The following STK40 variants were observed in gnomAD, a reference collection of about 807,000 sequenced individuals.
The protein encoded by STK40 is serine/threonine-protein kinase 40.
Under a neutral mutation model 47.9 loss-of-function variants are expected in STK40, and 13 were observed. The ratio of observed to expected loss-of-function variants is 0.27; its 90% CI spans 0.18 to 0.43. The LOEUF (loss-of-function observed/expected upper bound fraction) is 0.43. STK40 is among the 20% of genes least tolerant of loss of function. STK40 has a pLI of 1.00. For synonymous variants in STK40, 225 were observed against 243.2 expected, an observed-to-expected ratio of 0.93 and a Z score of 0.69; for missense variants, 460 against 595.1, an observed-to-expected ratio of 0.77 and a Z score of 2.36.
chr1:36,356,848 T>A (rs1181839472), intron 4 of STK40, among the ~76,000 whole-genome samples: 1 of 152,102 alleles, frequency 6.6e-6, no homozygotes, highest in Non-Finnish European at 1.5e-5. Flanking sequence ...CAAAATGACA[T>A]GAACTAAGGC....
intron 1 of STK40, among the ~76,000 whole-genome samples, chr1:36,366,959 C>T (rs573315506): frequency 2.0e-5 from 3 of 151,902 alleles, no homozygotes; most frequent in Non-Finnish European, 2.9e-5. Flanking sequence ...TTCAGCCTCC[C>T]AAGTACCTGA....
In STK40 at chr1:36,355,211, G is replaced by A; in HGVS notation, c.565C>T (p.His189Tyr). The A allele has an allele frequency of 1.2e-6, 2 of 1,613,684 alleles. No individual in the cohort carries two copies. Among genetic ancestry groups the A allele is most frequent in the Non-Finnish European group, 1.7e-6 (2 of 1,180,008 alleles). ...YDVVRVVEAL[H>Y]QKNIVHRDLK... ...GCAGCAGGGTGTGGCCTCACCTGGT[G>A]CAGGGCCTCCACCACGCGGACCACG... Residue 189 changes from histidine to tyrosine, a missense_variant, in exon 5 of 11, where the codon CAC (histidine) becomes TAC (tyrosine). His to Tyr is a moderately conservative substitution (Grantham distance 83). This residue lies in a region of STK40 where 277 missense variants were observed against 358.7 expected (regional missense o/e 0.77). Transcript: ENST00000373132.
chr1:36,345,991 A>ATATATTTTTTTTTTTTTTTTTTT, intron 7 of STK40, among the ~76,000 whole-genome samples: 1 of 26,466 alleles, frequency 3.8e-5, no homozygotes, highest in Non-Finnish European at 6.9e-5. Context: ...ATATATATAT[A>ATATATTTTTTTTTTTTTTTTTTT]TTTTTTTTTT....
At chr1:36,357,214 C>T (rs1288563199) in intron 4 of STK40, among the ~76,000 whole-genome samples, 2 of 152,216 alleles carry the variant, frequency 1.3e-5, no homozygotes, top group Non-Finnish European at 1.5e-5. Context: ...GATGGGGAAT[C>T]TGAGGCCTAG....
At chr1:36,376,262 C>T (rs1396357859) in intron 1 of STK40, among the ~76,000 whole-genome samples, 3 of 152,138 alleles carry the variant, frequency 2.0e-5, no homozygotes, top group Non-Finnish European at 2.9e-5. Flanking sequence ...AAGACTATGT[C>T]CATGCATTGA....
chr1:36,345,991 A>ATATATATATTTTTTTTTTTTTT, intron 7 of STK40, among the ~76,000 whole-genome samples: 3 of 26,464 alleles, frequency 1.1e-4, no homozygotes, highest in African/African-American at 4.2e-4. Context: ...ATATATATAT[A>ATATATATATTTTTTTTTTTTTT]TTTTTTTTTT....
At chr1:36,381,491 C>G (rs985280304) in intron 1 of STK40, among the ~76,000 whole-genome samples, 7 of 152,000 alleles carry the variant, frequency 4.6e-5, no homozygotes, top group African/African-American at 9.7e-5. Context: ...AATTCAAGTT[C>G]TTTTTTTGAG....
intron 1 of STK40, among the ~76,000 whole-genome samples, chr1:36,380,289 T>TA (rs879819498): frequency 1.7e-4 from 26 of 152,088 alleles, no homozygotes; most frequent in Non-Finnish European, 3.2e-4. Flanking sequence ...ACAAATCATG[T>TA]AAAAAAATCT....
chr1:36,374,819 G>C (rs1166330264), intron 1 of STK40, among the ~76,000 whole-genome samples: 2 of 152,180 alleles, frequency 1.3e-5, no homozygotes, highest in African/African-American at 2.4e-5. Context: ...ATACTGGCCT[G>C]CTCTGGCTCA....
intron 1 of STK40, among the ~76,000 whole-genome samples, chr1:36,362,202 G>C (rs1646858164): frequency 6.6e-6 from 1 of 152,122 alleles, no homozygotes; most frequent in Non-Finnish European, 1.5e-5. Context: ...AAAAATAACA[G>C]ATAAAAACAC....
Position 36,381,191 on chromosome 1 carries a change from C to T in STK40, c.-9+4532G>A, listed in dbSNP as rs191120519. Among the ~76,000 whole-genome samples, 138 of 152,318 alleles carry T rather than the reference C, an allele frequency of 9.1e-4. 3 individuals carry two copies. The East Asian group carries it at 0.018, about 19-fold the overall frequency. ...GCCTCCTATGGGGACTCCAACCTCTCCCCAACCCACTCCATCCTCCAAAGC... is the reference window on the plus strand; with the variant it reads ...GCCTCCTATGGGGACTCCAACCTCTTCCCAACCCACTCCATCCTCCAAAGC... On this transcript the variant is annotated intron_variant, in intron 1 of 10. Transcript: ENST00000373132.
intron 4 of STK40, among the ~76,000 whole-genome samples, chr1:36,356,677 A>G (rs146318557): frequency 0.036 from 5,466 of 152,030 alleles, 287 homozygotes; most frequent in African/African-American, 0.12. Flanking sequence ...CGCCCGCCTT[A>G]GCCTCCCAAA....
intron 4 of STK40, among the ~76,000 whole-genome samples, chr1:36,357,614 A>G (rs1191443652): frequency 1.3e-5 from 2 of 152,154 alleles, no homozygotes; most frequent in East Asian, 3.8e-4. Flanking sequence ...ATTTTAAAAA[A>G]AAGGACAAGG....
At chr1:36,383,522 C>T (rs893804862) in intron 1 of STK40, among the ~76,000 whole-genome samples, 1 of 152,254 alleles carries the variant, frequency 6.6e-6, no homozygotes, top group East Asian at 1.9e-4. Context: ...AGCACCAACT[C>T]TCCTCTCTCA....
At chr1:36,352,956 G>A (rs1217128097) in intron 6 of STK40, among the ~76,000 whole-genome samples, 1 of 152,214 alleles carries the variant, frequency 6.6e-6, no homozygotes, top group Admixed American at 6.5e-5. Flanking sequence ...CTGGAGCTAT[G>A]GGATCTGGAA....
chr1:36,343,573 G>T, intron 9 of STK40, 125 bp from the exon 10 acceptor site: 1 of 1,047,322 alleles, frequency 9.5e-7, no homozygotes, highest in Non-Finnish European at 1.4e-6. Flanking sequence ...CTGAGCCTCA[G>T]TTTTCTTATC....
chr1:36,376,551 A>AAC (rs376160898), intron 1 of STK40, among the ~76,000 whole-genome samples: 3 of 151,818 alleles, frequency 2.0e-5, no homozygotes, highest in Middle Eastern at 3.2e-3. Flanking sequence ...CATAAAAATC[A>AAC]ACACACACAC....
At position 36,345,991 on chromosome 1, in the gene STK40, A is replaced by ATTTTTTTT. The variant is rs143130232; in HGVS notation, c.740-1735_740-1728dup. Among the ~76,000 whole-genome samples the ATTTTTTTT allele has an allele frequency of 3.8e-4, 10 of 26,468 alleles. 1 individual carries two copies. The highest frequency in any genetic ancestry group is 7.3e-4 in the East Asian group (1 of 1,366). 17.4% of individuals were successfully genotyped at this position (26,468 alleles called of 152,430 possible). On this transcript the variant is annotated intron_variant, in intron 7 of 10. Transcript: ENST00000373132. ...TACATATATATATATATATATATAT[A>ATTTTTTTT]TTTTTTTTTTTTTTTTTTCCTGAGA... is the stretch of plus-strand genomic sequence containing the variant.
Position 36,379,311 on chromosome 1 carries a change from A to G in STK40, c.-9+6412T>C, listed in dbSNP as rs144305992. On this transcript the variant is annotated intron_variant, in intron 1 of 10. Coordinates refer to ENST00000373132, the MANE Select transcript of STK40 (RefSeq NM_001282547.2). ...GTTCCTTTGAAACCGTCAGGCCTGT[A>G]GACTGCTAAGTTCTGGGGAGCCTGA... 8.5e-5 allele frequency among the ~76,000 whole-genome samples: 13 copies of G among 152,060 alleles called. No individual in the cohort carries two copies. In the East Asian group the frequency reaches 1.9e-3, roughly 23 times the overall value.
Sources: gnomAD v4.1 joint callset for allele counts (sites outside exome capture counted in the v4.1 genomes callset) on GRCh38, gnomAD v4.1.1 for gene constraint, gnomAD v4.1.1 regional missense constraint, MANE v1.5 for transcripts, NCBI Gene and HGNC (gene_info 2026-07-23, HGNC 2026-07-21) for gene names.